KCNQ3: variants seen among roughly 807,000 people sequenced by gnomAD.
KCNQ3 encodes the protein potassium voltage-gated channel subfamily Q member 3.
KCNQ3 carries 30 observed loss-of-function variants against 92.5 expected under a neutral mutation model. That is an observed-to-expected ratio of 0.32 (90% CI 0.24 to 0.44). The LOEUF (loss-of-function observed/expected upper bound fraction) is 0.44, where lower values mean the gene tolerates loss of function less well. Ranked by LOEUF, KCNQ3 falls within the 20% of genes least tolerant of loss-of-function variation. The pLI is 1.00. For missense variants in KCNQ3, 913 were observed against 1,140.3 expected, an observed-to-expected ratio of 0.80 and a Z score of 2.87; for synonymous variants, 450 against 468.8, an observed-to-expected ratio of 0.96 and a Z score of 0.52.
intron 1 of KCNQ3, among the ~76,000 whole-genome samples, chr8:132,240,177 T>C (rs1221390517): frequency 7.0e-6 from 1 of 142,626 alleles, no homozygotes; most frequent in Non-Finnish European, 1.5e-5. Flanking sequence ...GCCTGTGCCA[T>C]GATTCTTTTT....
chr8:132,241,260 GC>G (rs1400911904), intron 1 of KCNQ3, among the ~76,000 whole-genome samples: 4 of 152,072 alleles, frequency 2.6e-5, no homozygotes, highest in Non-Finnish European at 4.4e-5. Flanking sequence ...TAAATAAGTT[GC>G]CCAAGGTCAC....
chr8:132,422,409 A>G (rs1407201516), intron 1 of KCNQ3, among the ~76,000 whole-genome samples: 1 of 152,164 alleles, frequency 6.6e-6, no homozygotes, highest in African/African-American at 2.4e-5. Flanking sequence ...CCAGAGGGAC[A>G]GCCTCAAAGC....
intron 10 of KCNQ3, chr8:132,140,803 G>A: frequency 2.7e-6 from 1 of 372,084 alleles, no homozygotes; most frequent in South Asian, 2.9e-5. Context: ...TTTGCACCTG[G>A]CACCGCCCCA....
At chr8:132,174,504 A>G (rs1826482763) in intron 5 of KCNQ3, among the ~76,000 whole-genome samples, 155 bp from the exon 6 acceptor site, 2 of 152,202 alleles carry the variant, frequency 1.3e-5, no homozygotes, top group Admixed American at 1.3e-4. Context: ...AGTACCTACT[A>G]ACTTATATGG....
intron 9 of KCNQ3, among the ~76,000 whole-genome samples, chr8:132,147,862 A>G (rs1488137679): frequency 1.3e-5 from 2 of 152,206 alleles, no homozygotes; most frequent in Non-Finnish European, 1.5e-5. Flanking sequence ...TCTCTCCTTC[A>G]TTCTTTCATC....
intron 1 of KCNQ3, among the ~76,000 whole-genome samples, chr8:132,456,704 C>G (rs988517541): frequency 6.6e-6 from 1 of 151,864 alleles, no homozygotes; most frequent in African/African-American, 2.4e-5. Context: ...CTCCACCTGC[C>G]AGGTTCACGC....
intron 1 of KCNQ3, among the ~76,000 whole-genome samples, chr8:132,260,747 C>A (rs1815757632): frequency 6.6e-6 from 1 of 152,018 alleles, no homozygotes; most frequent in Admixed American, 6.6e-5. Flanking sequence ...TGCTTTGATC[C>A]ATCCAACACT....
intron 1 of KCNQ3, among the ~76,000 whole-genome samples, chr8:132,319,997 G>C (rs1311071814): frequency 6.6e-6 from 1 of 152,160 alleles, no homozygotes; most frequent in Middle Eastern, 3.2e-3. Flanking sequence ...GAACTACCTG[G>C]TGAATGAATG....
intron 1 of KCNQ3, among the ~76,000 whole-genome samples, chr8:132,371,892 C>A (rs1819481491): frequency 6.6e-6 from 1 of 152,192 alleles, no homozygotes; most frequent in Non-Finnish European, 1.5e-5. Context: ...TGGTGAGCAC[C>A]CTTCCTTAGG....
At position 132,213,301 on chromosome 8, in the gene KCNQ3, G is replaced by T. The variant is rs183643696; in HGVS notation, c.387-27120C>A. ...TGATAGTCCCACCAGTGGCACCAGG[G>T]GCTCCATTTCACTGACCAAGGTGCC... On this transcript the variant is annotated intron_variant, in intron 1 of 14. Transcript: ENST00000388996. 2.0e-5 allele frequency among the ~76,000 whole-genome samples: 3 copies of T among 152,142 alleles called. No individual in the cohort carries two copies. The East Asian group carries it at 5.8e-4, about 29-fold the overall frequency.
intron 1 of KCNQ3, among the ~76,000 whole-genome samples, chr8:132,340,061 A>C (rs1361794493): frequency 2.0e-5 from 3 of 152,210 alleles, no homozygotes; most frequent in African/African-American, 7.2e-5. Context: ...CCACAATGAG[A>C]TACCATCTCA....
At chr8:132,200,247 C>CAGGTGTT (rs1446873903) in intron 1 of KCNQ3, among the ~76,000 whole-genome samples, 2 of 152,136 alleles carry the variant, frequency 1.3e-5, no homozygotes, top group Admixed American at 1.3e-4. Context: ...CCACCTAACC[C>CAGGTGTT]AGGTGTTAGC....
Position 132,141,009 on chromosome 8 carries a change from G to C in KCNQ3, c.1465+120C>G. On this transcript the variant is annotated intron_variant, in intron 10 of 14. Transcript: ENST00000388996. ...CAAGAAGTTGGCTTGTCGAGGGAAG[G>C]GAGAGAGTTACCTTGTGGAGTCAAA... is the stretch of plus-strand genomic sequence containing the variant. The C allele has an allele frequency of 3.3e-6, 3 of 907,232 alleles. No homozygotes were observed. In the Admixed American group the frequency reaches 5.6e-5, roughly 17 times the overall value. 56.2% of individuals were successfully genotyped at this position (907,232 alleles called of 1,614,324 possible). A position where few individuals can be genotyped will look rare whatever the true frequency, so the allele number is the denominator to read the frequency against.
intron 1 of KCNQ3, among the ~76,000 whole-genome samples, chr8:132,324,467 C>T (rs1009290773): frequency 2.6e-5 from 4 of 152,170 alleles, no homozygotes; most frequent in Non-Finnish European, 5.9e-5. Flanking sequence ...CAGTCATTAT[C>T]CCCACATTGC....
At chr8:132,207,665 G>T (rs1261997117) in intron 1 of KCNQ3, among the ~76,000 whole-genome samples, 1 of 151,530 alleles carries the variant, frequency 6.6e-6, no homozygotes, top group Non-Finnish European at 1.5e-5. Flanking sequence ...ATAAAAATTG[G>T]TCCTCTCAGA....
intron 1 of KCNQ3, among the ~76,000 whole-genome samples, chr8:132,200,568 C>T (rs1827428147): frequency 6.6e-6 from 1 of 152,078 alleles, no homozygotes; most frequent in Admixed American, 6.5e-5. Flanking sequence ...ATCTTAAAAA[C>T]ACCCCTGTCG....
chr8:132,161,769 C>A (rs1000916270), intron 9 of KCNQ3, among the ~76,000 whole-genome samples: 9 of 152,174 alleles, frequency 5.9e-5, no homozygotes, highest in Non-Finnish European at 1.3e-4. Context: ...TCAAGTGTGA[C>A]CCTAATGCAC....
chr8:132,441,813 C>A (rs957711292), intron 1 of KCNQ3, among the ~76,000 whole-genome samples: 1 of 152,036 alleles, frequency 6.6e-6, no homozygotes, highest in Non-Finnish European at 1.5e-5. Flanking sequence ...AGCAGCCATT[C>A]TGGAATCAAC....
At chr8:132,193,687 C>G (rs965063058) in intron 1 of KCNQ3, among the ~76,000 whole-genome samples, 22 of 152,158 alleles carry the variant, frequency 1.4e-4, no homozygotes, top group African/African-American at 5.3e-4. Context: ...TTTTTTCGTA[C>G]ATCATTTTCT....
Sources: allele counts gnomAD v4.1 joint callset (sites outside exome capture counted in the v4.1 genomes callset), GRCh38; gene constraint gnomAD v4.1.1; transcripts MANE v1.5; gene names NCBI Gene and HGNC (gene_info 2026-07-23, HGNC 2026-07-21).